The following POLR2F variants were observed in gnomAD, a reference collection of about 807,000 sequenced individuals.
POLR2F encodes the protein RNA polymerase II, I and III subunit F.
POLR2F carries 12 observed loss-of-function variants against 22.7 expected under a neutral mutation model. The ratio of observed to expected loss-of-function variants is 0.53; its 90% CI spans 0.34 to 0.86. POLR2F has a LOEUF of 0.86. POLR2F is among the 40% of genes least tolerant of loss of function. POLR2F has a pLI of 0.02. For missense variants in POLR2F, 126 were observed against 171.5 expected, an observed-to-expected ratio of 0.73 and a Z score of 1.48; for synonymous variants, 57 against 66.0, an observed-to-expected ratio of 0.86 and a Z score of 0.66.
chr22:38,030,856 C>T (rs2085057900), downstream of POLR2F, among the ~76,000 whole-genome samples: 1 of 152,088 alleles, frequency 6.6e-6, no homozygotes, highest in African/African-American at 2.4e-5. Flanking sequence ...GGAACAGGCC[C>T]TCTCCCACCC....
intron 1 of POLR2F, chr22:37,987,485 C>T (rs1932617293): frequency 6.8e-6 from 2 of 294,486 alleles, no homozygotes; most frequent in South Asian, 2.2e-5. Context: ...GCCTGTGTTC[C>T]CCCACTGGGT....
chr22:38,032,761 G>C (rs2085078713), intron 5 of POLR2F: 1 of 152,564 alleles, frequency 6.6e-6, no homozygotes, highest in Non-Finnish European at 1.5e-5. Context: ...GTCGAGCTGG[G>C]TCTTGAGGAA....
intron 3 of POLR2F, among the ~76,000 whole-genome samples, chr22:37,959,872 C>T (rs1931558197): frequency 3.4e-5 from 5 of 148,778 alleles, no homozygotes; most frequent in Admixed American, 3.4e-4. Context: ...GGCACAATCT[C>T]AGCTCACTGC....
chr22:37,971,154 A>C (rs1442849880), downstream of POLR2F: 2 of 454,484 alleles, frequency 4.4e-6, no homozygotes, highest in Non-Finnish European at 9.2e-6. Context: ...GCATTGCTCC[A>C]GATACAAAGC....
chr22:38,030,081 G>A (rs1004381704), downstream of POLR2F, among the ~76,000 whole-genome samples: 7 of 152,184 alleles, frequency 4.6e-5, no homozygotes, highest in African/African-American at 1.7e-4. Context: ...GGGGCAGCAA[G>A]GGAACAGTTA....
chr22:37,985,996 C>A, upstream of POLR2F: 1 of 1,233,008 alleles, frequency 8.1e-7, no homozygotes, highest in Non-Finnish European at 1.1e-6. Context: ...CTCGACGCCA[C>A]CCCCGGCGCT....
Position 37,978,171 on chromosome 22 carries a change from G to T in POLR2F, c.293+11001G>T. On this transcript the variant is annotated intron_variant, in intron 4 of 4. Coordinates refer to the POLR2F transcript ENST00000405557. The surrounding 1 kb of genome is among the most constrained non-coding windows in gnomAD (Gnocchi z 5.0). ...GTGGGAGGCGGAGAGGACAGCAGAG[G>T]GGCTGGCGTGAATGCCAGAGCACTC... 1 of 1,497,470 alleles carries T rather than the reference G, an allele frequency of 6.7e-7. No individual in the cohort carries two copies. The highest frequency in any genetic ancestry group is 2.4e-5 in the East Asian group (1 of 42,378). The allele number at this position is 1,497,470 out of a possible 1,614,324, so 92.8% of individuals were successfully genotyped here. A position where few individuals can be genotyped will look rare whatever the true frequency, so the allele number is the denominator to read the frequency against.
intron 5 of POLR2F, among the ~76,000 whole-genome samples, chr22:38,037,248 C>CTTATG (rs147610006): frequency 0.54 from 80,515 of 149,342 alleles, 21,816 homozygotes; most frequent in East Asian, 0.69. Flanking sequence ...AATGAGCAAC[C>CTTATG]TTATGTTATG....
upstream of POLR2F, among the ~76,000 whole-genome samples, chr22:37,985,698 T>G (rs1177901847): frequency 1.3e-5 from 2 of 150,032 alleles, no homozygotes; most frequent in Non-Finnish European, 1.5e-5. Flanking sequence ...GCAAAGGGTC[T>G]GGGGAGGCAA....
Position 37,974,320 on chromosome 22 carries a change from G to A in POLR2F, c.293+7150G>A, listed in dbSNP as rs1932159276. The A allele has an allele frequency of 1.4e-6, 1 of 710,960 alleles. No homozygotes were observed. The highest frequency in any genetic ancestry group is 2.3e-6 in the Non-Finnish European group (1 of 426,376). The allele number at this position is 710,960 out of a possible 1,614,324, so 44.0% of individuals were successfully genotyped here. ...GGGTGCCTCTGGGAAAACCTTGTAA[G>A]TTTCACATTTTGGCAGCATGAGTCG... On this transcript the variant is annotated intron_variant, in intron 4 of 4. Coordinates refer to the POLR2F transcript ENST00000405557. The surrounding 1 kb of genome is among the most constrained non-coding windows in gnomAD (Gnocchi z 5.4).
rs1365441910 is a variant in POLR2F at position 38,012,921 on chromosome 22, T to A, written c.121-12948T>A. Among the ~76,000 whole-genome samples the A allele has an allele frequency of 2.6e-5, 4 of 152,310 alleles. No individual in the cohort carries two copies. In the East Asian group the frequency reaches 5.8e-4, roughly 22 times the overall value. ...TGTCAGCCAGACCTCTGAGTTAAGA[T>A]GGTGTCTGCTCCACTGTAAAAACAG... On this transcript the variant is annotated intron_variant, in intron 1 of 2. Coordinates refer to the POLR2F transcript ENST00000333418.
At chr22:38,025,919 G>C (rs780531990) in exon 2 of POLR2F, 4 of 729,090 alleles carry the variant, frequency 5.5e-6, no homozygotes, top group South Asian at 4.1e-5. Context: ...ATGGACTCAG[G>C]AGCGCTCAAC....
upstream of POLR2F, among the ~76,000 whole-genome samples, chr22:37,982,270 C>T (rs1932423104): frequency 6.6e-6 from 1 of 152,104 alleles, no homozygotes; most frequent in Non-Finnish European, 1.5e-5. Flanking sequence ...TTCTATGTGA[C>T]CTTTGTGATT....
intron 1 of POLR2F, among the ~76,000 whole-genome samples, chr22:37,990,861 G>A (rs1932712945): frequency 6.6e-6 from 1 of 152,252 alleles, no homozygotes. Context: ...AAAACAAGAG[G>A]CCCGTGCCTG....
At chr22:37,964,323 C>T (rs919950300) in intron 3 of POLR2F, among the ~76,000 whole-genome samples, 1 of 151,852 alleles carries the variant, frequency 6.6e-6, no homozygotes, top group African/African-American at 2.4e-5. Flanking sequence ...TGTGGGTACT[C>T]CAGGTGCCAG....
intron 1 of POLR2F, among the ~76,000 whole-genome samples, chr22:38,014,507 C>T (rs751348264): frequency 1.3e-5 from 2 of 150,886 alleles, no homozygotes; most frequent in South Asian, 2.1e-4. Context: ...CCCACCACCA[C>T]GCCCGGCTAA....
downstream of POLR2F, chr22:37,973,762 G>A (rs764096695): frequency 5.6e-6 from 9 of 1,596,636 alleles, no homozygotes; most frequent in Middle Eastern, 1.7e-4. Context: ...AGGTGTAGGC[G>A]ATCTGTGAGG....
In POLR2F at chr22:37,953,822, G is replaced by T. The variant is rs749316086; in HGVS notation, c.20+15G>T. 2 of 1,607,932 alleles carry T rather than the reference G, an allele frequency of 1.2e-6. No homozygotes were observed. The highest frequency in any genetic ancestry group is 3.4e-5 in the Admixed American group (2 of 59,162). ...AACGAGGACAAGTGAGTGCGGGAGCGGAGTGGCCTTTGCGGCAACCTTGGA... is the reference window on the plus strand; with the variant it reads ...AACGAGGACAAGTGAGTGCGGGAGCTGAGTGGCCTTTGCGGCAACCTTGGA... On this transcript the variant is annotated intron_variant, in intron 1 of 4. Coordinates refer to ENST00000442738, the MANE Select transcript of POLR2F (RefSeq NM_021974.5).
At chr22:38,029,298 G>T (rs879646047), downstream of POLR2F, among the ~76,000 whole-genome samples, 2 of 152,204 alleles carry the variant, frequency 1.3e-5, no homozygotes, top group Non-Finnish European at 2.9e-5. Context: ...GAGGCCCAAG[G>T]ATAGTGGAGG....
Sources: gnomAD v4.1 joint callset for allele counts (sites outside exome capture counted in the v4.1 genomes callset) on GRCh38, gnomAD v4.1.1 for gene constraint, Gnocchi (gnomAD v3.1) non-coding constraint, MANE v1.5 for transcripts, NCBI Gene and HGNC (gene_info 2026-07-23, HGNC 2026-07-21) for gene names.